The following RB1 variants were observed in gnomAD, a reference collection of about 807,000 sequenced individuals.
The protein encoded by RB1 is RB transcriptional corepressor 1.
Under a neutral mutation model 135.4 loss-of-function variants are expected in RB1, and 18 were observed. The observed-to-expected ratio is 0.13, with a 90% CI of 0.09 to 0.20. RB1 has a LOEUF of 0.20. Among genes scored for constraint, RB1 ranks in the 10% least tolerant of loss-of-function variants. RB1 has a pLI of 1.00. For missense variants in RB1, 868 were observed against 1,110.0 expected (o/e 0.78, Z 3.10); for synonymous variants, 365 against 373.2 (o/e 0.98, Z 0.25).
At chr13:48,453,903 GTATT>G (rs1186026728) in intron 18 of RB1, among the ~76,000 whole-genome samples, 1 of 152,160 alleles carries the variant, frequency 6.6e-6, no homozygotes, top group Non-Finnish European at 1.5e-5. Context: ...CCTTTTATCT[GTATT>G]TATTTGTGTG....
In RB1 at chr13:48,346,741, C is replaced by T. The variant is rs550914956; in HGVS notation, c.501-1084C>T. On this transcript the variant is annotated intron_variant, in intron 4 of 26. Transcript: ENST00000267163. ...GAAGCAGGATATACTCTGATTATGA[C>T]TGTGTGTAAGGAAGAAACCTAGACC... is the stretch of plus-strand genomic sequence containing the variant. 2.3e-3 allele frequency among the ~76,000 whole-genome samples: 354 copies of T among 152,166 alleles called. 4 individuals are homozygous for T. Among genetic ancestry groups the T allele is most frequent in the Non-Finnish European group, 2.9e-3 (195 of 67,948 alleles).
intron 13 of RB1, among the ~76,000 whole-genome samples, chr13:48,377,390 C>T (rs749333943): frequency 1.3e-5 from 2 of 152,040 alleles, no homozygotes; most frequent in African/African-American, 2.4e-5. Flanking sequence ...ACTATACATG[C>T]CATTTGTCAG....
At chr13:48,368,109 G>A (rs1952722064) in intron 10 of RB1, among the ~76,000 whole-genome samples, 1 of 152,108 alleles carries the variant, frequency 6.6e-6, no homozygotes. Context: ...CTGAAAATAT[G>A]CGTAATTTAG....
chr13:48,363,065 G>A, intron 8 of RB1, 108 bp downstream of exon 8: 2 of 1,370,392 alleles, frequency 1.5e-6, no homozygotes, highest in Admixed American at 2.2e-5. Flanking sequence ...TTTGTAATTA[G>A]TGCTAACTCT....
intron 2 of RB1, among the ~76,000 whole-genome samples, chr13:48,329,689 C>T (rs1304376488): frequency 6.6e-6 from 1 of 152,050 alleles, no homozygotes; most frequent in African/African-American, 2.4e-5. Context: ...TTTGGAAAGA[C>T]CCATTCTTTC....
chr13:48,376,870 T>C, intron 12 of RB1, 48 bp from the exon 13 acceptor site: 1 of 1,610,456 alleles, frequency 6.2e-7, no homozygotes, highest in Admixed American at 1.7e-5. Flanking sequence ...ATATTAATTC[T>C]GATTACACAG....
At chr13:48,383,195 T>G (rs1431265920) in intron 17 of RB1, among the ~76,000 whole-genome samples, 1 of 152,140 alleles carries the variant, frequency 6.6e-6, no homozygotes, top group Non-Finnish European at 1.5e-5. Flanking sequence ...GTAGGATTCA[T>G]TTTTTCCCAT....
chr13:48,377,148 T>A, intron 13 of RB1, 114 bp downstream of exon 13: 1 of 1,110,274 alleles, frequency 9.0e-7, no homozygotes, highest in South Asian at 1.3e-5. Context: ...TAAAATACTG[T>A]CAGATACTAT....
chr13:48,318,141 C>A, intron 2 of RB1: 1 of 514,292 alleles, frequency 1.9e-6, no homozygotes, highest in Admixed American at 3.5e-5. Context: ...GCTCCTGACG[C>A]CCTCCTGCTT....
rs1461167778 is a variant in RB1, at chr13:48,477,403, G to C, written c.2712G>C (p.Met904Ile). 6.2e-7 allele frequency: 1 copy of C among 1,603,290 alleles called. No homozygotes were observed. Among genetic ancestry groups the C allele is most frequent in the Admixed American group, 1.7e-5 (1 of 59,844 alleles). ...AATTTCAGCAGAAACTGGCAGAAAT[G>C]AGTAAGTACTTTTTTCACCTTGTGT... is the stretch of plus-strand genomic sequence containing the variant. Reference protein sequence around the residue: ...ESKFQQKLAEMTSTRTRMQKQ... With the variant: ...ESKFQQKLAEITSTRTRMQKQ... Residue 904 changes from methionine to isoleucine, a missense_variant and splice_region_variant, in exon 26 of 27, where the codon ATG (methionine) becomes ATC (isoleucine). Coordinates refer to ENST00000267163, the MANE Select transcript of RB1 (RefSeq NM_000321.3).
chr13:48,351,206 A>G (rs1382148175), intron 6 of RB1, among the ~76,000 whole-genome samples: 1 of 152,176 alleles, frequency 6.6e-6, no homozygotes, highest in Non-Finnish European at 1.5e-5. Context: ...CCAAGAGTGT[A>G]TAAGTGTTCT....
At chr13:48,390,672 C>A (rs574675511) in intron 17 of RB1, among the ~76,000 whole-genome samples, 1 of 152,210 alleles carries the variant, frequency 6.6e-6, no homozygotes, top group East Asian at 1.9e-4. Context: ...TTTGTAATGT[C>A]CTTTGATGAA....
intron 17 of RB1, among the ~76,000 whole-genome samples, chr13:48,385,663 C>A (rs1948565909): frequency 6.6e-6 from 1 of 152,000 alleles, no homozygotes; most frequent in Admixed American, 6.6e-5. Flanking sequence ...CTGAATAATT[C>A]CTGTGTGTCA....
At chr13:48,380,350 C>G (rs1423266776) in intron 16 of RB1, 109 bp downstream of exon 16, 4 of 826,048 alleles carry the variant, frequency 4.8e-6, no homozygotes, top group Admixed American at 2.3e-5. Flanking sequence ...AGAAGGAATG[C>G]TTATTTTAGA....
chr13:48,417,331 G>A (rs537872585), intron 17 of RB1: 1 of 152,576 alleles, frequency 6.6e-6, no homozygotes, highest in African/African-American at 2.4e-5. Flanking sequence ...CTGCAGCAGA[G>A]GGGCCTGACT....
chr13:48,338,725 G>T (rs1952410805), intron 2 of RB1, among the ~76,000 whole-genome samples: 2 of 152,236 alleles, frequency 1.3e-5, no homozygotes, highest in South Asian at 4.1e-4. Flanking sequence ...CTAGCGAGGA[G>T]CTGCGTTCCT....
At chr13:48,311,705 T>TTTTTA (rs1242787331) in intron 2 of RB1, among the ~76,000 whole-genome samples, 1 of 152,172 alleles carries the variant, frequency 6.6e-6, no homozygotes, top group East Asian at 1.9e-4. Context: ...ATTAATGTAT[T>TTTTTA]TTTTATTTTA....
intron 6 of RB1, among the ~76,000 whole-genome samples, chr13:48,352,435 A>AT (rs1467924992): frequency 6.6e-6 from 1 of 151,272 alleles, no homozygotes; most frequent in Non-Finnish European, 1.5e-5. Context: ...TGAATCTGTA[A>AT]TTTTTTTGGG....
At chr13:48,375,598 G>A (rs1952813318) in intron 12 of RB1, among the ~76,000 whole-genome samples, 1 of 150,876 alleles carries the variant, frequency 6.6e-6, no homozygotes, top group African/African-American at 2.4e-5. Context: ...ATATTTTTGA[G>A]ACAGAGTTTC....
Sources: gnomAD v4.1 joint callset for allele counts (sites outside exome capture counted in the v4.1 genomes callset) on GRCh38, gnomAD v4.1.1 for gene constraint, MANE v1.5 for transcripts, NCBI Gene and HGNC (gene_info 2026-07-23, HGNC 2026-07-21) for gene names.